The following TRIM33 variants were observed in gnomAD, a reference collection of about 807,000 sequenced individuals.
The protein encoded by TRIM33 is tripartite motif containing 33.
A neutral mutation model predicts 125.4 loss-of-function variants in TRIM33; 20 were observed. The observed-to-expected ratio is 0.16, with a 90% confidence interval of 0.11 to 0.23. TRIM33 has a LOEUF of 0.23. Among genes scored for constraint, TRIM33 ranks in the 10% least tolerant of loss-of-function variants. TRIM33 has a pLI of 1.00. For synonymous variants in TRIM33, 564 were observed against 513.9 expected, an observed-to-expected ratio of 1.10 and a Z score of -1.32; for missense variants, 920 against 1,411.4, an observed-to-expected ratio of 0.65 and a Z score of 5.58.
intron 16 of TRIM33, among the ~76,000 whole-genome samples, chr1:114,402,508 GCT>G (rs1211626854): frequency 1.3e-5 from 2 of 152,136 alleles, no homozygotes; most frequent in African/African-American, 4.8e-5. Flanking sequence ...TTGGTTTTGT[GCT>G]TGGAGGGAGA....
chr1:114,438,669 CCT>C (rs1174932445), intron 4 of TRIM33, among the ~76,000 whole-genome samples: 1 of 151,788 alleles, frequency 6.6e-6, no homozygotes, highest in East Asian at 1.9e-4. Context: ...CTTTGACAAC[CCT>C]CTGTGTCTCA....
intron 12 of TRIM33, among the ~76,000 whole-genome samples, chr1:114,409,163 T>C (rs1240249666): frequency 6.6e-6 from 1 of 152,208 alleles, no homozygotes; most frequent in African/African-American, 2.4e-5. Flanking sequence ...GAATTGTTCT[T>C]CCTCTAGAAA....
rs60897900 is a variant in TRIM33 at position 114,395,468 on chromosome 1, A to AT, written c.*2179dup. The AT allele has an allele frequency of 0.21, 40,955 of 197,162 alleles. 4,754 individuals carry two copies. The highest frequency in any genetic ancestry group is 0.25 in the Non-Finnish European group (23,919 of 94,942). 12.2% of individuals were successfully genotyped at this position (197,162 alleles called of 1,614,324 possible). A position where few individuals can be genotyped will look rare whatever the true frequency, so the allele number is the denominator to read the frequency against. Reference sequence around the variant, plus strand: ...ATCTATTTATGACTCATTATCTACAATTTTTTTAAAAGGATCCATTTGAAG... The same window carrying AT: ...ATCTATTTATGACTCATTATCTACAATTTTTTTTAAAAGGATCCATTTGAAG... On this transcript the variant is annotated 3_prime_UTR_variant, in exon 20 of 20. Transcript: ENST00000358465.
chr1:114,393,126 T>C lies in TRIM33; in HGVS notation c.*4522A>G. The C allele has an allele frequency of 4.8e-6, 1 of 210,108 alleles. No individual in the cohort carries two copies. 13.0% of individuals were successfully genotyped at this position (210,108 alleles called of 1,614,324 possible). On this transcript the variant is annotated 3_prime_UTR_variant, in exon 20 of 20. Transcript: ENST00000358465. ...GCAAAAATAATAGTACTAGTAGTAA[T>C]AATAATAATGAGGGGAGGAGACCAA...
intron 1 of TRIM33, among the ~76,000 whole-genome samples, chr1:114,489,325 A>G (rs1355765154): frequency 2.6e-5 from 4 of 152,222 alleles, no homozygotes; most frequent in Admixed American, 2.0e-4. Flanking sequence ...TCTAAAACCT[A>G]AAACTGTAAA....
chr1:114,442,412 G>A (rs1299302089), intron 4 of TRIM33, among the ~76,000 whole-genome samples: 2 of 152,056 alleles, frequency 1.3e-5, no homozygotes, highest in Non-Finnish European at 2.9e-5. Context: ...TTTTAGGGTC[G>A]GGCATGGTGG....
At position 114,399,515 on chromosome 1, in the gene TRIM33, G is replaced by A. The variant is rs775248814; in HGVS notation, c.3062C>T (p.Pro1021Leu). The change falls in exon 18 of 20, where the codon CCG (proline) becomes CTG (leucine). Residue 1021 changes from proline (P) to leucine (L), a missense_variant. Coordinates refer to ENST00000358465, the MANE Select transcript of TRIM33 (RefSeq NM_015906.4). ...ACGGACATCGGCCACAAAGTCATCCGGGATTTGGTAGTGTTGGGAATGTTT... is the reference window on the plus strand; with the variant it reads ...ACGGACATCGGCCACAAAGTCATCCAGGATTTGGTAGTGTTGGGAATGTTT... ...QKKHSQHYQI[P>L]DDFVADVRLI... The A allele has an allele frequency of 7.4e-6, 12 of 1,613,638 alleles. No homozygotes were observed. The highest frequency in any genetic ancestry group is 3.3e-5 in the Admixed American group (2 of 59,976).
rs1172474413 is a variant in TRIM33, at chr1:114,397,933, A to T, written c.3171+7T>A. 6.2e-7 allele frequency: 1 copy of T among 1,613,864 alleles called. No individual in the cohort carries two copies. The highest frequency in any genetic ancestry group is 8.5e-7 in the Non-Finnish European group (1 of 1,179,922). On this transcript the variant is annotated splice_region_variant and intron_variant, in intron 19 of 19. Coordinates refer to ENST00000358465, the MANE Select transcript of TRIM33 (RefSeq NM_015906.4). ...TTCACCAAGTTTGCATGGTCTGAAA[A>T]GCTTACCTTCAAATTAATCTCTTGT... is the stretch of plus-strand genomic sequence containing the variant.
At chr1:114,429,416 C>T (rs1194314343) in intron 6 of TRIM33, among the ~76,000 whole-genome samples, 1 of 151,684 alleles carries the variant, frequency 6.6e-6, no homozygotes, top group Non-Finnish European at 1.5e-5. Context: ...TGGTCTCGAA[C>T]TCCTGACCTT....
At chr1:114,486,681 A>G (rs1344540029) in intron 1 of TRIM33, among the ~76,000 whole-genome samples, 1 of 152,150 alleles carries the variant, frequency 6.6e-6, no homozygotes, top group African/African-American at 2.4e-5. Flanking sequence ...AAAAGAAAAG[A>G]AAAACAGAAC....
At chr1:114,496,480 T>C (rs1252218418) in intron 1 of TRIM33, among the ~76,000 whole-genome samples, 2 of 152,178 alleles carry the variant, frequency 1.3e-5, no homozygotes, top group Non-Finnish European at 2.9e-5. Flanking sequence ...AACCAACACC[T>C]AACATGTCCC....
At chr1:114,461,624 A>G (rs1650007783) in intron 4 of TRIM33, among the ~76,000 whole-genome samples, 1 of 152,182 alleles carries the variant, frequency 6.6e-6, no homozygotes, top group Admixed American at 6.6e-5. Flanking sequence ...GAAAATGGTA[A>G]AAGAAAGGGA....
In TRIM33 at chr1:114,401,434, A is replaced by G. The variant is rs1651884869; in HGVS notation, c.2922T>C (p.Tyr974=). The part of the protein sequence containing the change: ...RKCERLLLYL[Y]CHELSIEFQE... The stretch of plus-strand genomic sequence containing the variant: ...GGAATTCAATACTTAATTCATGGCA[A>G]TAGAGGTAAAGCAGAAGACGTTCAC... The change falls in exon 17 of 20, where the codon TAT becomes TAC. Residue 974 remains tyrosine, a synonymous_variant. Coordinates refer to ENST00000358465, the MANE Select transcript of TRIM33 (RefSeq NM_015906.4). 1 of 1,613,272 alleles carries G rather than the reference A, an allele frequency of 6.2e-7. No individual in the cohort carries two copies. Among genetic ancestry groups the G allele is most frequent in the Non-Finnish European group, 8.5e-7 (1 of 1,179,606 alleles).
At position 114,399,534 on chromosome 1, in the gene TRIM33, A is replaced by T. The variant is rs2101078404; in HGVS notation, c.3043T>A (p.Ser1015Thr). ...TVKKKLQKKH[S>T]QHYQIPDDFV... ...TCATCCGGGATTTGGTAGTGTTGGG[A>T]ATGTTTTTTCTGAAGCTTCTTTTTC... is the stretch of plus-strand genomic sequence containing the variant. The change falls in exon 18 of 20, where the codon TCC (serine) becomes ACC (threonine). Residue 1015 changes from serine to threonine, a missense_variant. Coordinates refer to ENST00000358465, the MANE Select transcript of TRIM33 (RefSeq NM_015906.4). The T allele has an allele frequency of 6.2e-7, 1 of 1,613,354 alleles. No individual in the cohort carries two copies. The highest frequency in any genetic ancestry group is 8.5e-7 in the Non-Finnish European group (1 of 1,179,436).
chr1:114,402,702 T>A, intron 16 of TRIM33, 58 bp downstream of exon 16: 1 of 1,560,238 alleles, frequency 6.4e-7, no homozygotes, highest in Non-Finnish European at 8.6e-7. Flanking sequence ...AAAAAAGGTG[T>A]ATATATAGGC....
At chr1:114,481,547 C>T (rs1031532600) in intron 1 of TRIM33, among the ~76,000 whole-genome samples, 1 of 150,112 alleles carries the variant, frequency 6.7e-6, no homozygotes, top group Non-Finnish European at 1.5e-5. Context: ...GCTGAGATTG[C>T]GCCACTGCAC....
At chr1:114,500,778 TA>T (rs959717003) in intron 1 of TRIM33, among the ~76,000 whole-genome samples, 1 of 151,846 alleles carries the variant, frequency 6.6e-6, no homozygotes, top group Non-Finnish European at 1.5e-5. Context: ...TATTTTAATA[TA>T]AAAACATGAA....
chr1:114,407,784 T>C (rs1321777673), intron 13 of TRIM33, among the ~76,000 whole-genome samples: 1 of 152,150 alleles, frequency 6.6e-6, no homozygotes, highest in Non-Finnish European at 1.5e-5. Flanking sequence ...ACTGTCACTG[T>C]TGGAGGGTGT....
intron 4 of TRIM33, among the ~76,000 whole-genome samples, chr1:114,461,493 G>A (rs919771792): frequency 6.6e-6 from 1 of 151,176 alleles, no homozygotes; most frequent in African/African-American, 2.4e-5. Context: ...CAATATGAGG[G>A]GAAACTGGTC....
Sources: allele counts gnomAD v4.1 joint callset (sites outside exome capture counted in the v4.1 genomes callset), GRCh38; gene constraint gnomAD v4.1.1; transcripts MANE v1.5; gene names NCBI Gene and HGNC (gene_info 2026-07-23, HGNC 2026-07-21).